Variants in CACNG3 observed in about 807,000 individuals in gnomAD.
CACNG3 encodes the protein voltage-dependent calcium channel gamma-3 subunit.
In CACNG3, 3 loss-of-function variants were observed where a neutral mutation model predicts 28.5. The ratio of observed to expected loss-of-function variants is 0.11; its 90% CI spans 0.05 to 0.27. The LOEUF (loss-of-function observed/expected upper bound fraction) is 0.27. Among genes scored for constraint, CACNG3 ranks in the 10% least tolerant of loss-of-function variants. The probability of loss-of-function intolerance (pLI) is 1.00; values close to 1 mark genes in which losing one functional copy is unlikely to be tolerated. For synonymous variants in CACNG3, 174 were observed against 162.2 expected (o/e 1.07, Z -0.55); for missense variants, 236 against 414.4 (o/e 0.57, Z 3.74).
chr16:24,344,046 C>T (rs1449036223), intron 1 of CACNG3, among the ~76,000 whole-genome samples: 1 of 152,082 alleles, frequency 6.6e-6, no homozygotes. Flanking sequence ...CGTCACTGCA[C>T]TCCAGTCTGG....
At chr16:24,286,488 C>A (rs1898896404) in intron 1 of CACNG3, among the ~76,000 whole-genome samples, 1 of 151,590 alleles carries the variant, frequency 6.6e-6, no homozygotes, top group African/African-American at 2.4e-5. Context: ...AAAGGAGATC[C>A]CCTAGAATGG....
chr16:24,316,865 C>A (rs1055440604), intron 1 of CACNG3, among the ~76,000 whole-genome samples: 1 of 152,222 alleles, frequency 6.6e-6, no homozygotes, highest in Non-Finnish European at 1.5e-5. Flanking sequence ...TTCAAAAAGA[C>A]CTTTGTTCAA....
intron 1 of CACNG3, among the ~76,000 whole-genome samples, chr16:24,258,464 A>G (rs1233507485): frequency 6.6e-6 from 1 of 152,206 alleles, no homozygotes; most frequent in African/African-American, 2.4e-5. Flanking sequence ...CTCTCAGTTT[A>G]TTCATCTGGG....
chr16:24,257,421 GAGA>G (rs2141341853), intron 1 of CACNG3, among the ~76,000 whole-genome samples: 1 of 125,286 alleles, frequency 8.0e-6, no homozygotes, highest in Admixed American at 8.1e-5. Context: ...GAGAGAGAGA[GAGA>G]GAGATCCTGA....
intron 1 of CACNG3, among the ~76,000 whole-genome samples, chr16:24,274,278 T>A (rs1190899979): frequency 6.6e-6 from 1 of 151,866 alleles, no homozygotes; most frequent in Non-Finnish European, 1.5e-5. Context: ...GCTGTGCAAC[T>A]CTGACACATT....
intron 1 of CACNG3, among the ~76,000 whole-genome samples, chr16:24,288,572 A>G (rs895778116): frequency 6.6e-6 from 1 of 152,090 alleles, no homozygotes; most frequent in African/African-American, 2.4e-5. Context: ...GAAAAAGAAA[A>G]CAGATTTTAT....
At chr16:24,322,998 G>C (rs1210862703) in intron 1 of CACNG3, among the ~76,000 whole-genome samples, 6 of 152,032 alleles carry the variant, frequency 3.9e-5, no homozygotes, top group African/African-American at 1.5e-4. Flanking sequence ...GGTTGAGGTG[G>C]GAGGATTACT....
intron 1 of CACNG3, among the ~76,000 whole-genome samples, chr16:24,328,913 T>C (rs891777727): frequency 6.6e-6 from 1 of 152,148 alleles, no homozygotes; most frequent in African/African-American, 2.4e-5. Context: ...CTTCATCACA[T>C]ACACACATAC....
At chr16:24,333,231 C>T (rs1899655365) in intron 1 of CACNG3, among the ~76,000 whole-genome samples, 1 of 152,094 alleles carries the variant, frequency 6.6e-6, no homozygotes, top group South Asian at 2.1e-4. Context: ...ATCAACAAAG[C>T]TTACTTTTTT....
intron 2 of CACNG3, among the ~76,000 whole-genome samples, chr16:24,349,116 G>A (rs73556435): frequency 1.2e-3 from 183 of 152,356 alleles, no homozygotes; most frequent in African/African-American, 4.2e-3. Context: ...GCACATTCCT[G>A]CAGGGTTCTC....
chr16:24,280,482 G>A (rs1444504560), intron 1 of CACNG3, among the ~76,000 whole-genome samples: 1 of 152,036 alleles, frequency 6.6e-6, no homozygotes, highest in Non-Finnish European at 1.5e-5. Context: ...CACTGTTTGG[G>A]GATGAAAAAT....
At position 24,317,680 on chromosome 16, in the gene CACNG3, G is replaced by GAAAGAAAGAA. The variant is rs1899396807; in HGVS notation, c.212-29052_212-29043dup. Among the ~76,000 whole-genome samples the GAAAGAAAGAA allele has an allele frequency of 3.9e-5, 4 of 102,312 alleles. 1 individual carries two copies. In the South Asian group the frequency reaches 1.2e-3, roughly 30 times the overall value. The allele number at this position is 102,312 out of a possible 152,430, so 67.1% of individuals were successfully genotyped here. On this transcript the variant is annotated intron_variant, in intron 1 of 3. Transcript: ENST00000005284. Reference sequence around the variant, plus strand: ...AGAAAGAAAGAAAGAAAGAAAGAAAGAAAGAAAGAAAGAAAGAAAGAAAGA... The same window carrying GAAAGAAAGAA: ...AGAAAGAAAGAAAGAAAGAAAGAAAGAAAGAAAGAAAAAGAAAGAAAGAAAGAAAGAAAGA...
Position 24,256,343 on chromosome 16 carries a change from A to T in CACNG3, c.-412A>T. 4.0e-6 allele frequency: 1 copy of T among 251,370 alleles called. No individual in the cohort carries two copies. Among genetic ancestry groups the T allele is most frequent in the Non-Finnish European group, 7.8e-6 (1 of 127,866 alleles). 15.6% of individuals were successfully genotyped at this position (251,370 alleles called of 1,614,324 possible). A position where few individuals can be genotyped will look rare whatever the true frequency, so the allele number is the denominator to read the frequency against. Reference sequence around the variant, plus strand: ...CACACACACACACACACACACTCACACAGAGACCTCTCTGGGTTTCTTTGC... The same window carrying T: ...CACACACACACACACACACACTCACTCAGAGACCTCTCTGGGTTTCTTTGC... On this transcript the variant is annotated 5_prime_UTR_variant, in exon 1 of 4. Coordinates refer to ENST00000005284, the MANE Select transcript of CACNG3 (RefSeq NM_006539.4). This position sits in a 1 kb window ranked among gnomAD's most constrained non-coding sequence, Gnocchi z 4.6.
intron 3 of CACNG3, among the ~76,000 whole-genome samples, chr16:24,360,271 G>A (rs1164821762): frequency 1.3e-5 from 2 of 152,134 alleles, no homozygotes; most frequent in African/African-American, 4.8e-5. Flanking sequence ...TATCCCCTTC[G>A]GAGTAAGAAC....
At chr16:24,332,237 A>C (rs1899640717) in intron 1 of CACNG3, among the ~76,000 whole-genome samples, 1 of 152,210 alleles carries the variant, frequency 6.6e-6, no homozygotes, top group African/African-American at 2.4e-5. Flanking sequence ...CTAAGGTGGC[A>C]GACCAATTGA....
chr16:24,316,539 G>A (rs1002493842), intron 1 of CACNG3, among the ~76,000 whole-genome samples: 2 of 152,192 alleles, frequency 1.3e-5, no homozygotes, highest in South Asian at 2.1e-4. Context: ...CCAGCATGGC[G>A]TGGGCACCAT....
intron 1 of CACNG3, among the ~76,000 whole-genome samples, chr16:24,346,513 G>C (rs571857381): frequency 6.6e-6 from 1 of 152,304 alleles, no homozygotes; most frequent in South Asian, 2.1e-4. Context: ...AAGAGTTCAA[G>C]ACTGCAGTGA....
intron 2 of CACNG3, among the ~76,000 whole-genome samples, chr16:24,352,068 C>T (rs1899956036): frequency 6.6e-6 from 1 of 152,058 alleles, no homozygotes; most frequent in Non-Finnish European, 1.5e-5. Context: ...TGTGTGCCGT[C>T]AGCCCCCAAC....
At chr16:24,338,018 C>T (rs1899734435) in intron 1 of CACNG3, among the ~76,000 whole-genome samples, 1 of 151,246 alleles carries the variant, frequency 6.6e-6, no homozygotes, top group African/African-American at 2.4e-5. Context: ...ACCCAGTGAT[C>T]CCTGTGCTGA....
Sources: allele counts gnomAD v4.1 joint callset (sites outside exome capture counted in the v4.1 genomes callset), GRCh38; gene constraint gnomAD v4.1.1; non-coding constraint Gnocchi (gnomAD v3.1); transcripts MANE v1.5; gene names NCBI Gene and HGNC (gene_info 2026-07-23, HGNC 2026-07-21).